MBP: variants seen among roughly 807,000 people sequenced by gnomAD.
MBP encodes the protein Golli-MBP.
A neutral mutation model predicts 35.8 loss-of-function variants in MBP; 16 were observed. The ratio of observed to expected loss-of-function variants is 0.45; its 90% CI spans 0.30 to 0.68. MBP has a LOEUF of 0.68. Ranked by LOEUF, MBP falls within the 30% of genes least tolerant of loss-of-function variation. MBP has a pLI of 0.08. For missense variants in MBP, 380 were observed against 404.7 expected, an observed-to-expected ratio of 0.94 and a Z score of 0.52; for synonymous variants, 143 against 159.6, an observed-to-expected ratio of 0.90 and a Z score of 0.78.
In MBP at chr18:77,101,175, G is replaced by A. The variant is rs1975992442; in HGVS notation, c.51+4036C>T. Among the ~76,000 whole-genome samples the A allele has an allele frequency of 6.6e-6, 1 of 152,228 alleles. No homozygotes were observed. Among genetic ancestry groups the A allele is most frequent in the Admixed American group, 6.5e-5 (1 of 15,282 alleles). ...CCTAAGACAGGGCATCCCTCTGTGG[G>A]TGGGTCTTGCCCCCTGCCCCTCTCC... is the stretch of plus-strand genomic sequence containing the variant. On this transcript the variant is annotated intron_variant, in intron 2 of 8. Coordinates refer to ENST00000355994, the MANE Select transcript of MBP (RefSeq NM_001025101.2). This position sits in a 1 kb window ranked among gnomAD's most constrained non-coding sequence, Gnocchi z 4.3.
At chr18:77,059,219 A>G (rs559526095) in intron 3 of MBP, among the ~76,000 whole-genome samples, 23 of 152,342 alleles carry the variant, frequency 1.5e-4, no homozygotes, top group Admixed American at 1.4e-3. Context: ...GAGGAATGAT[A>G]TTACTGTTCA....
At chr18:77,115,541 A>G (rs1331035679) in intron 1 of MBP, 1 of 152,230 alleles carries the variant, frequency 6.6e-6, no homozygotes, top group Non-Finnish European at 1.5e-5. Context: ...ATTCTAATCA[A>G]GGAGAAGAAT....
At chr18:77,054,107 C>T (rs13381841) in intron 3 of MBP, among the ~76,000 whole-genome samples, 8,297 of 152,274 alleles carry the variant, frequency 0.054, 705 homozygotes, top group African/African-American at 0.18. Flanking sequence ...GGTCCCTCCC[C>T]GCCCTGCCCT....
intron 4 of MBP, among the ~76,000 whole-genome samples, chr18:76,997,306 TG>T (rs1293930551): frequency 1.3e-5 from 2 of 152,196 alleles, no homozygotes; most frequent in Non-Finnish European, 2.9e-5. Flanking sequence ...GAAAAGAGCT[TG>T]CTGCAGGGAG....
At chr18:77,094,802 G>C (rs924124795) in intron 2 of MBP, among the ~76,000 whole-genome samples, 1 of 152,192 alleles carries the variant, frequency 6.6e-6, no homozygotes, top group East Asian at 1.9e-4. Flanking sequence ...GGAGCCACTC[G>C]CAACTGTGGC....
chr18:77,106,372 G>T lies in MBP; in HGVS notation c.-25-1086C>A, dbSNP rs182754258. On this transcript the variant is annotated intron_variant, in intron 1 of 8. Transcript: ENST00000355994. ...TTGGTGGCTCAGGAAGACTGGCTGAGGACACTTTTCTGCAGGCGGGCACCC... is the reference window on the plus strand; with the variant it reads ...TTGGTGGCTCAGGAAGACTGGCTGATGACACTTTTCTGCAGGCGGGCACCC... 2.7e-3 allele frequency among the ~76,000 whole-genome samples: 410 copies of T among 152,258 alleles called. 10 individuals are homozygous for T. The highest frequency in any genetic ancestry group is 0.024 in the Admixed American group (361 of 15,288).
chr18:77,083,413 G>A (rs1180258620), intron 2 of MBP, among the ~76,000 whole-genome samples: 1 of 152,196 alleles, frequency 6.6e-6, no homozygotes, highest in Non-Finnish European at 1.5e-5. Context: ...AATTTTGATA[G>A]TATCAGAGGA....
chr18:77,124,394 G>A (rs943145813), intron 1 of MBP, among the ~76,000 whole-genome samples: 6 of 152,234 alleles, frequency 3.9e-5, no homozygotes, highest in African/African-American at 1.2e-4. Flanking sequence ...GTGAATTGAT[G>A]TAAACATAAA....
chr18:77,123,671 G>A lies in MBP; in HGVS notation c.-26+8909C>T, dbSNP rs187493958. 7.7e-4 allele frequency among the ~76,000 whole-genome samples: 118 copies of A among 152,342 alleles called. 3 individuals carry two copies. Among genetic ancestry groups the A allele is most frequent in the Admixed American group, 7.6e-3 (116 of 15,306 alleles). ...ATTTAATTTGAATTCTCAGTGTAAT[G>A]TGTGCAGGTGGCTGCAGACCACAGG... On this transcript the variant is annotated intron_variant, in intron 1 of 8. Transcript: ENST00000355994.
At chr18:77,086,193 A>G (rs1311509951) in intron 2 of MBP, among the ~76,000 whole-genome samples, 2 of 152,236 alleles carry the variant, frequency 1.3e-5, no homozygotes, top group Non-Finnish European at 2.9e-5. Flanking sequence ...CAGAACAGCA[A>G]ATCTGTTCCA....
At chr18:77,000,756 T>A (rs758299502) in intron 4 of MBP, among the ~76,000 whole-genome samples, 4 of 152,156 alleles carry the variant, frequency 2.6e-5, no homozygotes, top group Non-Finnish European at 5.9e-5. Context: ...CTTTCCAATT[T>A]GTTTTAAGGC....
chr18:77,115,282 A>C (rs1005305506), intron 1 of MBP: 3 of 152,188 alleles, frequency 2.0e-5, no homozygotes, highest in Admixed American at 6.5e-5. Flanking sequence ...GTTTTAATTC[A>C]CCTGCCGAGG....
chr18:77,082,864 G>A (rs902784794), intron 2 of MBP, among the ~76,000 whole-genome samples: 94 of 152,382 alleles, frequency 6.2e-4, no homozygotes, highest in African/African-American at 2.1e-3. Context: ...ATGCCATGTG[G>A]TTCAGTGCCA....
chr18:76,997,706 G>A (rs529168610), intron 4 of MBP, among the ~76,000 whole-genome samples: 12 of 149,704 alleles, frequency 8.0e-5, no homozygotes, highest in East Asian at 2.0e-4. Flanking sequence ...TTTTTGAGAC[G>A]GAGTCTCACT....
At chr18:76,980,535 C>A (rs1420366851) in intron 8 of MBP, 64 bp from the exon 9 acceptor site, 3 of 1,300,958 alleles carry the variant, frequency 2.3e-6, no homozygotes, top group Non-Finnish European at 3.3e-6. Context: ...CCAGCATCCC[C>A]TCTTCTGTGG....
At chr18:76,991,749 C>T (rs893558428) in intron 4 of MBP, among the ~76,000 whole-genome samples, 7 of 152,162 alleles carry the variant, frequency 4.6e-5, no homozygotes, top group African/African-American at 9.7e-5. Context: ...GGCTGCGCCC[C>T]GTCGACACAG....
chr18:77,055,585 T>TTCTCTCTCTCTCTCTC (rs138095026), intron 3 of MBP, among the ~76,000 whole-genome samples: 1 of 151,072 alleles, frequency 6.6e-6, no homozygotes, highest in Non-Finnish European at 1.5e-5. Flanking sequence ...TTCTCTTTCT[T>TTCTCTCTCTCTCTCTC]TCTCTCTCTC....
chr18:77,109,849 CATATT>C (rs1976393472), intron 1 of MBP: 1 of 151,556 alleles, frequency 6.6e-6, no homozygotes, highest in South Asian at 2.1e-4. Flanking sequence ...AGGGTATACC[CATATT>C]ATAGGACACA....
chr18:77,087,582 T>A (rs1231524930), intron 2 of MBP: 1 of 152,100 alleles, frequency 6.6e-6, no homozygotes, highest in Non-Finnish European at 1.5e-5. Flanking sequence ...ATCTGGCTTC[T>A]GCAAAGCAGT....
Sources: allele counts gnomAD v4.1 joint callset (sites outside exome capture counted in the v4.1 genomes callset), GRCh38; gene constraint gnomAD v4.1.1; non-coding constraint Gnocchi (gnomAD v3.1); transcripts MANE v1.5; gene names NCBI Gene and HGNC (gene_info 2026-07-23, HGNC 2026-07-21).